Variants in GALNS observed in about 807,000 individuals in gnomAD.
GALNS encodes N-acetylgalactosamine-6-sulfatase.
A neutral mutation model predicts 65.9 loss-of-function variants in GALNS; 65 were observed. That is an observed-to-expected ratio of 0.99 (90% CI 0.81 to 1.21). The LOEUF is 1.21. Among genes scored for constraint, GALNS ranks in the 50% most tolerant of loss-of-function variants. The pLI, the probability that GALNS is intolerant of heterozygous loss-of-function variation, is 0.00. For missense variants in GALNS, 776 were observed against 700.7 expected, an observed-to-expected ratio of 1.11 and a Z score of -1.21; for synonymous variants, 346 against 288.9, an observed-to-expected ratio of 1.20 and a Z score of -2.00.
rs545126573 is a variant in GALNS, at chr16:88,826,907, TG to T, written c.1003-70del. 12 of 1,534,516 alleles carry T rather than the reference TG, an allele frequency of 7.8e-6. No homozygotes were observed. In the South Asian group the frequency reaches 8.4e-5, roughly 11 times the overall value. Reference sequence around the variant, plus strand: ...CCCGATGGGGCTGGGGGCCAATCCCTGGGGGGGCGTGAGCCCCGCTGCCCAG... The same window carrying T: ...CCCGATGGGGCTGGGGGCCAATCCCTGGGGGGCGTGAGCCCCGCTGCCCAG... On this transcript the variant is annotated intron_variant, in intron 9 of 13. Transcript: ENST00000268695.
At chr16:88,833,828 T>C (rs1450255798) in intron 8 of GALNS, among the ~76,000 whole-genome samples, 1 of 152,254 alleles carries the variant, frequency 6.6e-6, no homozygotes, top group Non-Finnish European at 1.5e-5. Flanking sequence ...TCTCATCTTG[T>C]TACAAATAGG....
At chr16:88,855,315 T>G (rs888036430) in intron 1 of GALNS, 16 of 700,422 alleles carry the variant, frequency 2.3e-5, no homozygotes, top group South Asian at 3.0e-5. Flanking sequence ...GAAGCTATGC[T>G]GGCCCAGAAG....
intron 1 of GALNS, among the ~76,000 whole-genome samples, chr16:88,854,180 G>C (rs1597602187): frequency 6.6e-6 from 1 of 152,348 alleles, no homozygotes. Context: ...GCTGGGCCCA[G>C]AGCTGTGGGT....
chr16:88,829,478 C>T (rs1359684357), intron 9 of GALNS, among the ~76,000 whole-genome samples: 1 of 152,252 alleles, frequency 6.6e-6, no homozygotes, highest in Non-Finnish European at 1.5e-5. Context: ...CTTCCACCTT[C>T]AGGGTCCTGG....
chr16:88,837,289 C>T (rs772160300), intron 5 of GALNS, among the ~76,000 whole-genome samples: 15 of 152,276 alleles, frequency 9.9e-5, no homozygotes, highest in Non-Finnish European at 1.8e-4. Context: ...GGAGCACAGC[C>T]GGCCTCCCCA....
At position 88,836,265 on chromosome 16, in the gene GALNS, T is replaced by C. The variant is rs886042058; in HGVS notation, c.569A>G (p.Tyr190Cys). The C allele has an allele frequency of 6.8e-6, 11 of 1,611,488 alleles. No individual in the cohort carries two copies. Among genetic ancestry groups the C allele is most frequent in the South Asian group, 2.2e-5 (2 of 90,954 alleles). Residue 190 changes from tyrosine (Y) to cysteine (C), a missense_variant and splice_region_variant, in exon 6 of 14, where the codon TAT (tyrosine) becomes TGT (cysteine). By Grantham distance (194) the Tyr-to-Cys change is radical. Transcript: ENST00000268695. ...VYRDWEMVGR[Y>C]YEEFPINLKT... is the part of the protein sequence containing the mutation. ...CAGATTAATAGGAAATTCTTCATAA[T>C]ATCTGAAAAGAACACAGATCCAGAC...
chr16:88,816,278 C>T (rs1909614531), intron 13 of GALNS: 1 of 985,314 alleles, frequency 1.0e-6, no homozygotes, highest in African/African-American at 1.7e-5. Flanking sequence ...CGTGGAGCCA[C>T]TGCAGCCTGG....
chr16:88,854,852 T>C (rs1967707803), intron 1 of GALNS, among the ~76,000 whole-genome samples: 1 of 152,202 alleles, frequency 6.6e-6, no homozygotes, highest in Non-Finnish European at 1.5e-5. Flanking sequence ...AGAAAGTCCT[T>C]ACAAGTACAC....
At chr16:88,826,608 G>C in intron 10 of GALNS, 94 bp downstream of exon 10, 1 of 1,458,490 alleles carries the variant, frequency 6.9e-7, no homozygotes, top group Admixed American at 1.8e-5. Context: ...CCAGAACCAG[G>C]AGGGCTGCTG....
At chr16:88,846,922 A>T (rs1435867555) in intron 1 of GALNS, among the ~76,000 whole-genome samples, 1 of 152,022 alleles carries the variant, frequency 6.6e-6, no homozygotes, top group Non-Finnish European at 1.5e-5. Flanking sequence ...GGGTGTGGCC[A>T]GGGGGTTACT....
At chr16:88,842,543 C>T (rs1393258676) in intron 2 of GALNS, 163 bp downstream of exon 2, 3 of 849,130 alleles carry the variant, frequency 3.5e-6, no homozygotes, top group Admixed American at 5.1e-5. Context: ...CGGAGCCGGG[C>T]TGGGATTTGA....
rs1159726808 is a variant in GALNS, at chr16:88,824,750, C to A, written c.1242+17G>T. 4 of 1,608,102 alleles carry A rather than the reference C, an allele frequency of 2.5e-6. No homozygotes were observed. The highest frequency in any genetic ancestry group is 2.6e-6 in the Non-Finnish European group (3 of 1,175,532). The stretch of plus-strand genomic sequence containing the variant: ...ATGGGGGCAGCTCCGCCTGCGCCCA[C>A]GTCCCGAGCCCTGTACCTGTCTGAA... On this transcript the variant is annotated intron_variant, in intron 11 of 13. Coordinates refer to ENST00000268695, the MANE Select transcript of GALNS (RefSeq NM_000512.5).
chr16:88,839,989 C>A (rs547664595), intron 4 of GALNS, among the ~76,000 whole-genome samples: 1 of 152,208 alleles, frequency 6.6e-6, no homozygotes, highest in Non-Finnish European at 1.5e-5. Flanking sequence ...CAGTGGCCCT[C>A]GGGGGCTGAC....
Position 88,814,503 on chromosome 16 carries a change from T to C in GALNS, c.1505A>G (p.Glu502Gly). ...AVMNWAPPGC[E>G]KLGKCLTPPE... Reference sequence around the variant, plus strand: ...AGGTGTCAGACACTTCCCTAACTTTTCACAGCCCGGAGGTGCCCAGTTCTG... The same window carrying C: ...AGGTGTCAGACACTTCCCTAACTTTCCACAGCCCGGAGGTGCCCAGTTCTG... Residue 502 changes from glutamate to glycine, a missense_variant, in exon 14 of 14, where the codon GAA (glutamate) becomes GGA (glycine). Coordinates refer to ENST00000268695, the MANE Select transcript of GALNS (RefSeq NM_000512.5). The C allele has an allele frequency of 6.4e-7, 1 of 1,559,584 alleles. No individual in the cohort carries two copies.
intron 1 of GALNS, among the ~76,000 whole-genome samples, chr16:88,850,633 G>T (rs72813575): frequency 0.018 from 2,735 of 152,276 alleles, 38 homozygotes; most frequent in Middle Eastern, 0.041. Context: ...GACTTACAAC[G>T]GGGAGGGCAT....
At chr16:88,834,574 A>C (rs56214678) in intron 8 of GALNS, among the ~76,000 whole-genome samples, 61 of 80,718 alleles carry the variant, frequency 7.6e-4, no homozygotes, top group Non-Finnish European at 1.2e-3. Context: ...GGCCCCCCTC[A>C]GCGTGGTCTG....
At chr16:88,841,345 C>A (rs1966963209) in intron 3 of GALNS, among the ~76,000 whole-genome samples, 1 of 152,168 alleles carries the variant, frequency 6.6e-6, no homozygotes, top group Non-Finnish European at 1.5e-5. Flanking sequence ...CCAGCGCCTT[C>A]CTTGGGACTC....
chr16:88,826,925 G>A lies in GALNS; in HGVS notation c.1003-87C>T, dbSNP rs1026451706. The A allele has an allele frequency of 6.8e-6, 10 of 1,464,242 alleles. No individual in the cohort carries two copies. The African/African-American group carries it at 1.3e-4, about 18-fold the overall frequency. 90.7% of individuals were successfully genotyped at this position (1,464,242 alleles called of 1,614,324 possible). A position where few individuals can be genotyped will look rare whatever the true frequency, so the allele number is the denominator to read the frequency against. ...CAATCCCTGGGGGGGCGTGAGCCCC[G>A]CTGCCCAGCTGGGTCTACAGATATG... On this transcript the variant is annotated intron_variant, in intron 9 of 13. Transcript: ENST00000268695.
At chr16:88,815,305 G>A (rs1909508702) in intron 13 of GALNS, 2 of 985,364 alleles carry the variant, frequency 2.0e-6, no homozygotes, top group Non-Finnish European at 2.4e-6. Flanking sequence ...AGAAAGGGCA[G>A]GCGGTCCTCC....
Sources: allele counts gnomAD v4.1 joint callset (sites outside exome capture counted in the v4.1 genomes callset), GRCh38; gene constraint gnomAD v4.1.1; transcripts MANE v1.5; gene names NCBI Gene and HGNC (gene_info 2026-07-23, HGNC 2026-07-21).